PPP3R1: variants seen among roughly 807,000 people sequenced by gnomAD.
PPP3R1 encodes the protein protein phosphatase 3 regulatory subunit B, alpha.
In PPP3R1, 5 loss-of-function variants were observed where a neutral mutation model predicts 22.6. The observed-to-expected ratio is 0.22, with a 90% CI of 0.12 to 0.46. PPP3R1 has a LOEUF of 0.46. PPP3R1 is among the 20% of genes least tolerant of loss of function. The pLI, the probability that PPP3R1 is intolerant of heterozygous loss-of-function variation, is 0.99. For missense variants in PPP3R1, 61 were observed against 203.2 expected (o/e 0.30, Z 4.25); for synonymous variants, 56 against 65.2 (o/e 0.86, Z 0.68).
At chr2:68,236,952 G>A (rs1346572717) in intron 1 of PPP3R1, among the ~76,000 whole-genome samples, 1 of 152,148 alleles carries the variant, frequency 6.6e-6, no homozygotes, top group East Asian at 1.9e-4. Context: ...TAAAATTGGG[G>A]CAGCCCTCTG....
At chr2:68,203,133 C>G (rs1038478523) in intron 2 of PPP3R1, among the ~76,000 whole-genome samples, 1 of 152,104 alleles carries the variant, frequency 6.6e-6, no homozygotes, top group Non-Finnish European at 1.5e-5. Context: ...TTCTCAGTGA[C>G]TAGGTGAATT....
chr2:68,180,896 C>A lies in PPP3R1; in HGVS notation c.*67G>T. On this transcript the variant is annotated 3_prime_UTR_variant, in exon 6 of 6. Transcript: ENST00000234310. ...TAAATACACAGAGAGCATTGCTGGACGTCTTGAGCAGATCTTCAGAGATGG... is the reference window on the plus strand; with the variant it reads ...TAAATACACAGAGAGCATTGCTGGAAGTCTTGAGCAGATCTTCAGAGATGG... The A allele has an allele frequency of 6.9e-7, 1 of 1,452,124 alleles. No individual in the cohort carries two copies. The highest frequency in any genetic ancestry group is 9.6e-7 in the Non-Finnish European group (1 of 1,038,288). The allele number at this position is 1,452,124 out of a possible 1,614,324, so 90.0% of individuals were successfully genotyped here.
At chr2:68,209,252 G>A (rs1452389688) in intron 2 of PPP3R1, among the ~76,000 whole-genome samples, 2 of 145,424 alleles carry the variant, frequency 1.4e-5, no homozygotes, top group Non-Finnish European at 3.0e-5. Flanking sequence ...CCAGCTACTT[G>A]GGAGGCTGAG....
At chr2:68,182,099 C>G (rs951672661) in intron 5 of PPP3R1, among the ~76,000 whole-genome samples, 2 of 116,322 alleles carry the variant, frequency 1.7e-5, no homozygotes, top group Non-Finnish European at 3.5e-5. Context: ...CACACACACA[C>G]GACCAGTAGC....
chr2:68,219,934 A>G (rs965446140), intron 1 of PPP3R1, among the ~76,000 whole-genome samples: 1 of 152,244 alleles, frequency 6.6e-6, no homozygotes, highest in African/African-American at 2.4e-5. Flanking sequence ...CTGAAGTTCA[A>G]GATAGACTCC....
intron 2 of PPP3R1, among the ~76,000 whole-genome samples, chr2:68,214,924 G>C (rs986035065): frequency 2.0e-5 from 3 of 152,074 alleles, no homozygotes; most frequent in African/African-American, 7.2e-5. Flanking sequence ...AAGAAAATGA[G>C]GTACATATAC....
chr2:68,229,416 CA>C (rs1558640277), intron 1 of PPP3R1, among the ~76,000 whole-genome samples: 1 of 152,190 alleles, frequency 6.6e-6, no homozygotes, highest in Non-Finnish European at 1.5e-5. Flanking sequence ...TGGTTGATTA[CA>C]TATGTTGAGT....
intron 2 of PPP3R1, among the ~76,000 whole-genome samples, chr2:68,198,361 GTACATA>G (rs1674870373): frequency 2.1e-5 from 2 of 96,088 alleles, no homozygotes; most frequent in African/African-American, 7.9e-5. Context: ...GCATATATAT[GTACATA>G]TATGTACATG....
chr2:68,206,117 G>T (rs968072041), intron 2 of PPP3R1, among the ~76,000 whole-genome samples: 2 of 151,894 alleles, frequency 1.3e-5, no homozygotes, highest in African/African-American at 4.8e-5. Flanking sequence ...CGCGCCCGGC[G>T]GCTCTTAAAA....
In PPP3R1 at chr2:68,188,584, T is replaced by C. The variant is rs1674595347; in HGVS notation, c.150A>G (p.Gln50=). 4 of 1,613,526 alleles carry C rather than the reference T, an allele frequency of 2.5e-6. No individual in the cohort carries two copies. Among genetic ancestry groups the C allele is most frequent in the Non-Finnish European group, 3.4e-6 (4 of 1,179,646 alleles). ...VEEFMSLPEL[Q]QNPLVQRVID... is the part of the protein sequence containing the mutation. Reference sequence around the variant, plus strand: ...TTACTCGCTGTACTAAAGGATTCTGTTGTAACTCAGGCAGAGACATGAACT... The same window carrying C: ...TTACTCGCTGTACTAAAGGATTCTGCTGTAACTCAGGCAGAGACATGAACT... The change falls in exon 3 of 6, where the codon CAA becomes CAG. Residue 50 remains glutamine, a synonymous_variant. Coordinates refer to ENST00000234310, the MANE Select transcript of PPP3R1 (RefSeq NM_000945.4).
chr2:68,188,627 C>T lies in PPP3R1; in HGVS notation c.107G>A (p.Gly36Asp). The T allele has an allele frequency of 6.2e-7, 1 of 1,613,406 alleles. No homozygotes were observed. Among genetic ancestry groups the T allele is most frequent in the Non-Finnish European group, 8.5e-7 (1 of 1,179,638 alleles). ...CATGAACTCTTCCACACTCAAAGAA[C>T]CAGAATTGTCCAAATCAAGCTTCTT... ...RFKKLDLDNS[G>D]SLSVEEFMSL... Residue 36 changes from glycine to aspartate, a missense_variant, in exon 3 of 6, where the codon GGT becomes GAT. Physicochemically the swap from Gly to Asp is moderately conservative, Grantham distance 94. Coordinates refer to ENST00000234310, the MANE Select transcript of PPP3R1 (RefSeq NM_000945.4).
chr2:68,251,354 G>C (rs943360990), intron 1 of PPP3R1, among the ~76,000 whole-genome samples: 21 of 152,194 alleles, frequency 1.4e-4, no homozygotes, highest in Admixed American at 6.5e-4. Context: ...CCAAGAGAGA[G>C]ACACAAGAAG....
intron 1 of PPP3R1, among the ~76,000 whole-genome samples, chr2:68,218,202 A>C (rs78810546): frequency 0.027 from 4,126 of 152,250 alleles, 171 homozygotes; most frequent in African/African-American, 0.094. Context: ...TGTACAATTA[A>C]CATGGGCATA....
chr2:68,210,878 G>A (rs190356744), intron 2 of PPP3R1, among the ~76,000 whole-genome samples: 22 of 152,228 alleles, frequency 1.4e-4, no homozygotes, highest in South Asian at 8.3e-4. Context: ...GAGCATTTTG[G>A]ATTTCAAATT....
At chr2:68,248,747 T>C (rs1053072831) in intron 1 of PPP3R1, among the ~76,000 whole-genome samples, 12 of 152,232 alleles carry the variant, frequency 7.9e-5, no homozygotes, top group African/African-American at 1.4e-4. Flanking sequence ...CTGATCTTTT[T>C]AGACCCAGCT....
intron 1 of PPP3R1, among the ~76,000 whole-genome samples, chr2:68,238,599 T>A (rs183563443): frequency 5.9e-5 from 9 of 152,278 alleles, no homozygotes; most frequent in Admixed American, 3.3e-4. Context: ...AATGAAAGCA[T>A]TGACATAAGA....
At chr2:68,211,941 T>C (rs1669494930) in intron 2 of PPP3R1, among the ~76,000 whole-genome samples, 1 of 152,194 alleles carries the variant, frequency 6.6e-6, no homozygotes, top group South Asian at 2.1e-4. Flanking sequence ...ATTTCCACCA[T>C]GAAAGCCCTG....
At chr2:68,246,015 T>A (rs1225824930) in intron 1 of PPP3R1, among the ~76,000 whole-genome samples, 1 of 151,878 alleles carries the variant, frequency 6.6e-6, no homozygotes, top group African/African-American at 2.4e-5. Context: ...TTGAAAAGAT[T>A]CAAAAGATAA....
chr2:68,241,570 C>T (rs372514366), intron 1 of PPP3R1, among the ~76,000 whole-genome samples: 3 of 152,128 alleles, frequency 2.0e-5, no homozygotes, highest in South Asian at 2.1e-4. Flanking sequence ...ACAATGTGGC[C>T]GGGCACAGTG....
Sources: allele counts gnomAD v4.1 joint callset (sites outside exome capture counted in the v4.1 genomes callset), GRCh38; gene constraint gnomAD v4.1.1; transcripts MANE v1.5; gene names NCBI Gene and HGNC (gene_info 2026-07-23, HGNC 2026-07-21).